Variants in PSD3 observed in about 807,000 individuals in gnomAD.
PSD3 encodes PH and SEC7 domain-containing protein 3.
In PSD3, 49 loss-of-function variants were observed where a neutral mutation model predicts 105.5. That is an observed-to-expected ratio of 0.46 (90% CI 0.37 to 0.59). The LOEUF (loss-of-function observed/expected upper bound fraction) is 0.59, where lower values mean the gene tolerates loss of function less well. Ranked by LOEUF, PSD3 falls within the 20% of genes least tolerant of loss-of-function variation. PSD3 has a pLI of 0.00. For missense variants in PSD3, 1,561 were observed against 1,263.8 expected (o/e 1.24, Z -3.57); for synonymous variants, 557 against 457.8 (o/e 1.22, Z -2.77).
upstream of PSD3, among the ~76,000 whole-genome samples, chr8:19,016,636 A>G (rs1461006744): frequency 6.6e-6 from 1 of 152,230 alleles, no homozygotes; most frequent in South Asian, 2.1e-4. Context: ...AAAACACTTC[A>G]GTAATATTTG....
intron 1 of PSD3, among the ~76,000 whole-genome samples, chr8:18,946,291 T>G (rs10111389): frequency 0.65 from 99,218 of 151,734 alleles, 32,649 homozygotes; most frequent in Non-Finnish European, 0.67. Context: ...AAAAATATAT[T>G]TGAGGCCAGG....
intron 5 of PSD3, 25 bp from the exon 6 acceptor site, chr8:18,804,627 G>A: frequency 6.2e-7 from 1 of 1,610,792 alleles, no homozygotes; most frequent in Non-Finnish European, 8.5e-7. Context: ...AATAGACTTG[G>A]TTATTGAAAG....
At chr8:18,782,197 G>A (rs1349914110) in intron 8 of PSD3, among the ~76,000 whole-genome samples, 2 of 152,122 alleles carry the variant, frequency 1.3e-5, no homozygotes, top group East Asian at 1.9e-4. Context: ...TGTTGCTGGA[G>A]AATTATTGTG....
intron 1 of PSD3, among the ~76,000 whole-genome samples, chr8:19,067,428 G>T (rs1829111415): frequency 6.6e-6 from 1 of 152,154 alleles, no homozygotes. Flanking sequence ...GCATTCTCCA[G>T]GATGCCTCCC....
intron 2 of PSD3, among the ~76,000 whole-genome samples, chr8:18,888,496 C>A (rs113473777): frequency 2.0e-5 from 3 of 149,310 alleles, no homozygotes; most frequent in African/African-American, 7.4e-5. Context: ...AAAAAAAAAA[C>A]GGGAATAATA....
intron 14 of PSD3, among the ~76,000 whole-genome samples, chr8:18,565,048 G>A (rs1801649536): frequency 6.6e-6 from 1 of 152,178 alleles, no homozygotes; most frequent in African/African-American, 2.4e-5. Flanking sequence ...CCTAGGGTAG[G>A]CACAGGTTCC....
intron 11 of PSD3, among the ~76,000 whole-genome samples, chr8:18,602,934 A>C (rs140824186): frequency 0.02 from 3,090 of 152,324 alleles, 54 homozygotes; most frequent in Non-Finnish European, 0.033. Context: ...GTGTTTTATT[A>C]AACACACAGA....
At chr8:18,752,558 A>ATATATAT (rs1377022365) in intron 9 of PSD3, among the ~76,000 whole-genome samples, 36 of 36,286 alleles carry the variant, frequency 9.9e-4, no homozygotes, top group Admixed American at 2.6e-3. Context: ...ATATATAATT[A>ATATATAT]TATATATTAT....
intron 8 of PSD3, among the ~76,000 whole-genome samples, chr8:18,765,988 A>G (rs1806962237): frequency 6.6e-6 from 1 of 150,594 alleles, no homozygotes; most frequent in Admixed American, 6.6e-5. Context: ...ACCAAAAACA[A>G]AAAACAGACA....
At chr8:18,545,801 G>A (rs1309535110) in intron 15 of PSD3, among the ~76,000 whole-genome samples, 1 of 152,104 alleles carries the variant, frequency 6.6e-6, no homozygotes, top group East Asian at 1.9e-4. Context: ...AGTTCTCCAT[G>A]TCAGCTTGTG....
chr8:18,624,034 T>C (rs1806310309), intron 11 of PSD3, among the ~76,000 whole-genome samples: 1 of 152,228 alleles, frequency 6.6e-6, no homozygotes, highest in Non-Finnish European at 1.5e-5. Flanking sequence ...CAATCTCTTA[T>C]TAATGGACAT....
chr8:18,936,833 A>C lies in PSD3; in HGVS notation c.22-691T>G, dbSNP rs184658740. Reference sequence around the variant, plus strand: ...AACTGATTATCATCACCCACAGTCCATAACAAGAATATTTCTTTGTGTGGC... The same window carrying C: ...AACTGATTATCATCACCCACAGTCCCTAACAAGAATATTTCTTTGTGTGGC... On this transcript the variant is annotated intron_variant, in intron 1 of 15. Transcript: ENST00000327040. 2.6e-5 allele frequency among the ~76,000 whole-genome samples: 4 copies of C among 152,296 alleles called. No individual in the cohort carries two copies. In the East Asian group the frequency reaches 7.7e-4, roughly 29 times the overall value.
chr8:18,629,902 C>T (rs1286161057), intron 11 of PSD3, among the ~76,000 whole-genome samples: 1 of 151,814 alleles, frequency 6.6e-6, no homozygotes, highest in Non-Finnish European at 1.5e-5. Context: ...GCTGAATTAT[C>T]TGCTAACATT....
At chr8:18,956,109 A>G (rs73584684) in intron 1 of PSD3, among the ~76,000 whole-genome samples, 3,913 of 152,218 alleles carry the variant, frequency 0.026, 172 homozygotes, top group African/African-American at 0.09. Flanking sequence ...TGGAAGGAAG[A>G]AGGAAGCTGA....
chr8:18,784,109 T>C (rs1808897108), intron 8 of PSD3, among the ~76,000 whole-genome samples: 1 of 152,184 alleles, frequency 6.6e-6, no homozygotes, highest in Non-Finnish European at 1.5e-5. Flanking sequence ...AATTTTGTCC[T>C]ATCCTTGAGC....
At chr8:19,040,713 C>A (rs1274112560) in intron 1 of PSD3, among the ~76,000 whole-genome samples, 1 of 152,076 alleles carries the variant, frequency 6.6e-6, no homozygotes, top group Non-Finnish European at 1.5e-5. Flanking sequence ...TGGCTTGGAC[C>A]AGAATATATT....
intron 11 of PSD3, among the ~76,000 whole-genome samples, chr8:18,626,739 G>C (rs1369019492): frequency 6.6e-6 from 1 of 152,092 alleles, no homozygotes; most frequent in Non-Finnish European, 1.5e-5. Context: ...TTCCAAGAAG[G>C]AGCAGCAGCC....
intron 9 of PSD3, among the ~76,000 whole-genome samples, chr8:18,752,651 A>AATAT (rs1563226009): frequency 1.0e-5 from 1 of 95,708 alleles, no homozygotes; most frequent in East Asian, 2.9e-4. Context: ...TAATATATAT[A>AATAT]ATATATTATA....
intron 2 of PSD3, among the ~76,000 whole-genome samples, chr8:18,913,085 AAACACACACAC>A (rs1820349880): frequency 8.3e-6 from 1 of 119,934 alleles, no homozygotes; most frequent in African/African-American, 3.3e-5. Flanking sequence ...ACACACACAC[AAACACACACAC>A]ACACACACAC....
Sources: gnomAD v4.1 joint callset for allele counts (sites outside exome capture counted in the v4.1 genomes callset) on GRCh38, gnomAD v4.1.1 for gene constraint, MANE v1.5 for transcripts, NCBI Gene and HGNC (gene_info 2026-07-23, HGNC 2026-07-21) for gene names.